SEMA3A: variants seen among roughly 807,000 people sequenced by gnomAD.
The protein encoded by SEMA3A is semaphorin 3A.
In SEMA3A, 29 loss-of-function variants were observed where a neutral mutation model predicts 97.9. That is an observed-to-expected ratio of 0.30 (90% CI 0.22 to 0.40). The LOEUF is 0.40. Among genes scored for constraint, SEMA3A ranks in the 10% least tolerant of loss-of-function variants. The pLI is 1.00. For synonymous variants in SEMA3A, 321 were observed against 323.7 expected (o/e 0.99, Z 0.09); for missense variants, 763 against 951.3 (o/e 0.80, Z 2.60).
rs187990644 is a variant in SEMA3A, at chr7:84,272,822, G to A, written c.-83+34385C>T. ...CTTTAGGGACTTTTCTATTTTTCCA[G>A]CTCAGCTTTTTTCCACCTTAAGAAA... On this transcript the variant is annotated intron_variant, in intron 3 of 3. Transcript: ENST00000424555. 2.8e-3 allele frequency among the ~76,000 whole-genome samples: 432 copies of A among 152,122 alleles called. 4 individuals carry two copies. Among genetic ancestry groups the A allele is most frequent in the African/African-American group, 0.01 (419 of 41,534 alleles).
chr7:84,411,895 T>C (rs975408176), intron 1 of SEMA3A, among the ~76,000 whole-genome samples: 2 of 152,174 alleles, frequency 1.3e-5, no homozygotes, highest in African/African-American at 4.8e-5. Flanking sequence ...TAAAGTAGAT[T>C]CTATAAAATA....
At chr7:84,033,460 C>T (rs2116470065) in intron 6 of SEMA3A, among the ~76,000 whole-genome samples, 1 of 152,240 alleles carries the variant, frequency 6.6e-6, no homozygotes, top group African/African-American at 2.4e-5. Flanking sequence ...ACACACTTAG[C>T]CTATGTTCTT....
At chr7:84,401,847 TA>T (rs1232022924) in intron 1 of SEMA3A, among the ~76,000 whole-genome samples, 1 of 152,126 alleles carries the variant, frequency 6.6e-6, no homozygotes, top group Non-Finnish European at 1.5e-5. Flanking sequence ...TGTCATCATA[TA>T]AAAAATCAAC....
intron 2 of SEMA3A, among the ~76,000 whole-genome samples, chr7:84,323,057 C>A (rs563432854): frequency 1.3e-5 from 2 of 152,216 alleles, no homozygotes; most frequent in South Asian, 2.1e-4. Context: ...TAATAGTATA[C>A]CCTTTGTCAG....
chr7:84,033,001 T>C (rs948663402), intron 6 of SEMA3A, among the ~76,000 whole-genome samples: 6 of 152,114 alleles, frequency 3.9e-5, no homozygotes, highest in Admixed American at 1.3e-4. Context: ...CTTCCTTGTT[T>C]TTCTTTACTG....
chr7:84,110,089 G>C (rs1583981062), intron 4 of SEMA3A, among the ~76,000 whole-genome samples: 1 of 152,208 alleles, frequency 6.6e-6, no homozygotes, highest in Admixed American at 6.5e-5. Flanking sequence ...TAATCCCTAG[G>C]CAGAAGAAAA....
chr7:84,410,619 T>G (rs1804237747), intron 1 of SEMA3A, among the ~76,000 whole-genome samples: 1 of 152,192 alleles, frequency 6.6e-6, no homozygotes, highest in Admixed American at 6.6e-5. Context: ...GCAGAATATG[T>G]CAAGCCACCC....
intron 9 of SEMA3A, among the ~76,000 whole-genome samples, chr7:84,007,866 A>G (rs903522811): frequency 1.3e-5 from 2 of 152,194 alleles, no homozygotes; most frequent in Non-Finnish European, 2.9e-5. Context: ...AGTCTCAAGC[A>G]TTATTACTGA....
At chr7:84,078,901 C>T (rs1002728261) in intron 4 of SEMA3A, among the ~76,000 whole-genome samples, 5 of 151,856 alleles carry the variant, frequency 3.3e-5, no homozygotes, top group African/African-American at 7.3e-5. Context: ...ACAGGCAGGG[C>T]GGTTCTTAGT....
At chr7:84,320,116 A>G (rs184865550) in intron 2 of SEMA3A, among the ~76,000 whole-genome samples, 13 of 152,168 alleles carry the variant, frequency 8.5e-5, no homozygotes, top group Admixed American at 2.6e-4. Context: ...GGCCCACACT[A>G]TGATTATGAT....
At chr7:84,410,666 G>A (rs909400648) in intron 1 of SEMA3A, among the ~76,000 whole-genome samples, 1 of 151,972 alleles carries the variant, frequency 6.6e-6, no homozygotes, top group African/African-American at 2.4e-5. Flanking sequence ...TTATTGCTGC[G>A]TGCACCACCA....
intron 3 of SEMA3A, among the ~76,000 whole-genome samples, chr7:84,228,222 A>G (rs1349610785): frequency 2.0e-5 from 3 of 151,994 alleles, no homozygotes; most frequent in African/African-American, 7.2e-5. Flanking sequence ...ACTATGAAGT[A>G]AAGGAAACAT....
At chr7:84,172,444 A>G (rs575507094) in intron 1 of SEMA3A, among the ~76,000 whole-genome samples, 1 of 151,858 alleles carries the variant, frequency 6.6e-6, no homozygotes, top group South Asian at 2.1e-4. Flanking sequence ...CTTTTTTGAG[A>G]CAGAGTCTCG....
intron 1 of SEMA3A, among the ~76,000 whole-genome samples, chr7:84,454,463 G>A (rs933305672): frequency 6.6e-6 from 1 of 152,124 alleles, no homozygotes; most frequent in African/African-American, 2.4e-5. Flanking sequence ...ACACTGGCAA[G>A]TCTGAGCATT....
intron 12 of SEMA3A, among the ~76,000 whole-genome samples, chr7:83,998,551 G>A (rs1007825166): frequency 2.0e-5 from 3 of 151,994 alleles, no homozygotes; most frequent in Admixed American, 1.3e-4. Flanking sequence ...CTTTATAGTC[G>A]CCATACACTT....
intron 4 of SEMA3A, among the ~76,000 whole-genome samples, chr7:84,070,165 C>G (rs1323071237): frequency 3.9e-5 from 6 of 152,130 alleles, no homozygotes; most frequent in Non-Finnish European, 8.8e-5. Flanking sequence ...AAAACTTTAG[C>G]TATACTGATT....
At chr7:84,046,194 T>C (rs1263961460) in intron 6 of SEMA3A, 130 bp downstream of exon 6, 3 of 1,008,382 alleles carry the variant, frequency 3.0e-6, no homozygotes, top group African/African-American at 1.6e-5. Context: ...CCCACCATCA[T>C]GAAGTCACCA....
chr7:84,033,248 A>T (rs900735209), intron 6 of SEMA3A, among the ~76,000 whole-genome samples: 1 of 152,202 alleles, frequency 6.6e-6, no homozygotes. Context: ...ACATATTTTT[A>T]AAATTCTTAA....
chr7:84,151,032 T>G (rs573968975), intron 1 of SEMA3A, among the ~76,000 whole-genome samples: 1,756 of 146,538 alleles, frequency 0.012, 28 homozygotes, highest in East Asian at 0.023. Context: ...TGAGGGTCCT[T>G]TCTGTTAGAA....
Sources: allele counts gnomAD v4.1 joint callset (sites outside exome capture counted in the v4.1 genomes callset), GRCh38; gene constraint gnomAD v4.1.1; transcripts MANE v1.5; gene names NCBI Gene and HGNC (gene_info 2026-07-23, HGNC 2026-07-21).